Variants in LDLRAD3 observed in about 807,000 individuals in gnomAD.
The protein encoded by LDLRAD3 is low-density lipoprotein receptor class A domain-containing protein 3.
LDLRAD3 carries 20 observed loss-of-function variants against 29.4 expected under a neutral mutation model. The observed-to-expected ratio is 0.68, with a 90% CI of 0.48 to 0.99. The LOEUF (loss-of-function observed/expected upper bound fraction) is 0.99, where lower values mean the gene tolerates loss of function less well. Ranked by LOEUF, LDLRAD3 falls within the 50% of genes least tolerant of loss-of-function variation. LDLRAD3 has a pLI of 0.00. For missense variants in LDLRAD3, 420 were observed against 454.3 expected, an observed-to-expected ratio of 0.92 and a Z score of 0.69; for synonymous variants, 157 against 192.7, an observed-to-expected ratio of 0.81 and a Z score of 1.53.
intron 2 of LDLRAD3, among the ~76,000 whole-genome samples, chr11:36,058,374 A>G (rs1026874875): frequency 4.6e-5 from 7 of 152,316 alleles, no homozygotes; most frequent in Non-Finnish European, 8.8e-5. Context: ...TCTGAAGCAT[A>G]TGACCTACTT....
intron 1 of LDLRAD3, among the ~76,000 whole-genome samples, chr11:36,017,189 C>G (rs1565164252): frequency 6.6e-6 from 1 of 152,148 alleles, no homozygotes; most frequent in East Asian, 1.9e-4. Flanking sequence ...CTCATGGCTT[C>G]CCATTGAAAT....
intron 2 of LDLRAD3, among the ~76,000 whole-genome samples, chr11:36,046,723 G>T (rs535932911): frequency 6.6e-6 from 1 of 152,230 alleles, no homozygotes; most frequent in East Asian, 1.9e-4. Context: ...CACCAGAGGA[G>T]GCCTTTGCAA....
chr11:36,101,281 C>T (rs1330899987), intron 4 of LDLRAD3, among the ~76,000 whole-genome samples: 1 of 152,138 alleles, frequency 6.6e-6, no homozygotes, highest in Non-Finnish European at 1.5e-5. Flanking sequence ...AAGAACAGGA[C>T]CTGTGCCCGT....
intron 2 of LDLRAD3, among the ~76,000 whole-genome samples, chr11:36,044,834 T>C (rs1472125454): frequency 1.3e-5 from 2 of 152,248 alleles, no homozygotes; most frequent in African/African-American, 4.8e-5. Context: ...GGACCTGCAG[T>C]GGGCGCCCAC....
chr11:35,962,722 G>A (rs536116012), intron 1 of LDLRAD3, among the ~76,000 whole-genome samples: 14 of 152,274 alleles, frequency 9.2e-5, no homozygotes, highest in Admixed American at 4.6e-4. Flanking sequence ...TTTGCGAGAT[G>A]GAAGAGGAAA....
chr11:36,128,178 A>G (rs534817407), intron 4 of LDLRAD3, among the ~76,000 whole-genome samples: 1 of 142,458 alleles, frequency 7.0e-6, no homozygotes, highest in South Asian at 2.3e-4. Flanking sequence ...GGGAACTGAA[A>G]GATGAAGAAT....
At position 36,020,636 on chromosome 11, in the gene LDLRAD3, G is replaced by A. The variant is rs544781808; in HGVS notation, c.47-15467G>A. ...AAGGCACCCAACAGAAATTTGTGGAGCATTATGGTAAATGAAGAGATAGAG... is the reference window on the plus strand; with the variant it reads ...AAGGCACCCAACAGAAATTTGTGGAACATTATGGTAAATGAAGAGATAGAG... On this transcript the variant is annotated intron_variant, in intron 1 of 5. Transcript: ENST00000315571. Among the ~76,000 whole-genome samples, 11 of 152,270 alleles carry A rather than the reference G, an allele frequency of 7.2e-5. No individual in the cohort carries two copies. In the South Asian group the frequency reaches 2.3e-3, roughly 32 times the overall value.
intron 4 of LDLRAD3, among the ~76,000 whole-genome samples, chr11:36,108,269 G>A (rs34414863): frequency 0.68 from 96,426 of 142,410 alleles, 33,864 homozygotes; most frequent in East Asian, 0.92. Context: ...CCAGTGAGCC[G>A]AGATCGCGCC....
intron 4 of LDLRAD3, among the ~76,000 whole-genome samples, chr11:36,099,679 G>C (rs766555698): frequency 5.9e-5 from 9 of 152,188 alleles, no homozygotes; most frequent in African/African-American, 1.7e-4. Flanking sequence ...CAAGGTCCTA[G>C]CTTTTATTTT....
intron 4 of LDLRAD3, among the ~76,000 whole-genome samples, chr11:36,159,573 A>T (rs1048702738): frequency 7.4e-5 from 11 of 149,090 alleles, no homozygotes; most frequent in Non-Finnish European, 1.0e-4. Flanking sequence ...AGCCTGGTCA[A>T]CATAGTAAAA....
chr11:35,959,705 T>G (rs932442497), intron 1 of LDLRAD3, among the ~76,000 whole-genome samples: 2 of 152,108 alleles, frequency 1.3e-5, no homozygotes, highest in Non-Finnish European at 2.9e-5. Context: ...GTGGATCACT[T>G]GAGGCCAGGA....
At position 36,226,967 on chromosome 11, in the gene LDLRAD3, T is replaced by C. The variant is rs114429902; in HGVS notation, c.455-118T>C. On this transcript the variant is annotated intron_variant, in intron 4 of 5. Coordinates refer to ENST00000315571, the MANE Select transcript of LDLRAD3 (RefSeq NM_174902.4). ...ATTTGGGCGGTTTCCACTTTTTGGC[T>C]ATTGTGAATAGGGCTACTGTGAACA... 2.0e-3 allele frequency: 1,546 copies of C among 786,238 alleles called. 19 individuals carry two copies. The African/African-American group carries it at 0.024, about 12-fold the overall frequency. The allele number at this position is 786,238 out of a possible 1,614,324, so 48.7% of individuals were successfully genotyped here.
rs568383449 is a variant in LDLRAD3 at position 36,111,593 on chromosome 11, T to C, written c.454+13132T>C. ...CCCACCATGTTATCAGTCTGTTTCATCTTTTTTTTTTTTTTTTCTTTCTCT... is the reference window on the plus strand; with the variant it reads ...CCCACCATGTTATCAGTCTGTTTCACCTTTTTTTTTTTTTTTTCTTTCTCT... On this transcript the variant is annotated intron_variant, in intron 4 of 5. Coordinates refer to ENST00000315571, the MANE Select transcript of LDLRAD3 (RefSeq NM_174902.4). 4.0e-5 allele frequency among the ~76,000 whole-genome samples: 6 copies of C among 148,770 alleles called. No homozygotes were observed. In the South Asian group the frequency reaches 1.3e-3, roughly 32 times the overall value.
At chr11:35,955,844 G>A (rs1306704917) in intron 1 of LDLRAD3, among the ~76,000 whole-genome samples, 1 of 152,242 alleles carries the variant, frequency 6.6e-6, no homozygotes, top group Non-Finnish European at 1.5e-5. Flanking sequence ...TGCTCATCAG[G>A]TGCTGAGGAC....
Position 36,144,873 on chromosome 11 carries a change from C to T in LDLRAD3, c.454+46412C>T, listed in dbSNP as rs1452326188. Reference sequence around the variant, plus strand: ...GAGGTGGGGGGGTCAGCCCCCCGCCCGGCCAGCCGCCCCGTCCGGGAGGTG... The same window carrying T: ...GAGGTGGGGGGGTCAGCCCCCCGCCTGGCCAGCCGCCCCGTCCGGGAGGTG... On this transcript the variant is annotated intron_variant, in intron 4 of 5. Transcript: ENST00000315571. 2.1e-3 allele frequency among the ~76,000 whole-genome samples: 177 copies of T among 84,426 alleles called. 3 individuals carry two copies. Among genetic ancestry groups the T allele is most frequent in the African/African-American group, 5.3e-3 (136 of 25,616 alleles). The allele number at this position is 84,426 out of a possible 152,430, so 55.4% of individuals were successfully genotyped here. A position where few individuals can be genotyped will look rare whatever the true frequency, so the allele number is the denominator to read the frequency against.
chr11:35,985,002 G>A (rs1215103575), intron 1 of LDLRAD3, among the ~76,000 whole-genome samples: 1 of 147,610 alleles, frequency 6.8e-6, no homozygotes. Flanking sequence ...ATAGCTCACT[G>A]CAGCCTCGAA....
intron 4 of LDLRAD3, among the ~76,000 whole-genome samples, chr11:36,157,963 A>T (rs1854378645): frequency 6.6e-6 from 1 of 152,180 alleles, no homozygotes; most frequent in South Asian, 2.1e-4. Flanking sequence ...CTGTTAAGCA[A>T]TTTGGACCCC....
At chr11:36,227,651 T>G (rs181140477) in intron 5 of LDLRAD3, among the ~76,000 whole-genome samples, 1 of 152,230 alleles carries the variant, frequency 6.6e-6, no homozygotes, top group African/African-American at 2.4e-5. Flanking sequence ...CTGATAGGAA[T>G]GTTCCAAAAC....
At chr11:36,072,276 A>G (rs767603264) in intron 2 of LDLRAD3, among the ~76,000 whole-genome samples, 1 of 152,198 alleles carries the variant, frequency 6.6e-6, no homozygotes, top group Non-Finnish European at 1.5e-5. Context: ...AGCTGACTTC[A>G]TGGCTGTTCT....
Sources: gnomAD v4.1 joint callset for allele counts (sites outside exome capture counted in the v4.1 genomes callset) on GRCh38, gnomAD v4.1.1 for gene constraint, MANE v1.5 for transcripts, NCBI Gene and HGNC (gene_info 2026-07-23, HGNC 2026-07-21) for gene names.